The following PIK3C3 variants were observed in gnomAD, a reference collection of about 807,000 sequenced individuals.
PIK3C3 encodes the protein PI3-kinase type 3.
Under a neutral mutation model 126.1 loss-of-function variants are expected in PIK3C3, and 95 were observed. The ratio of observed to expected loss-of-function variants is 0.75; its 90% CI spans 0.64 to 0.89. PIK3C3 has a LOEUF of 0.89. Ranked by LOEUF, PIK3C3 falls within the 40% of genes least tolerant of loss-of-function variation. PIK3C3 has a pLI of 0.00. For missense variants in PIK3C3, 829 were observed against 1,063.2 expected (o/e 0.78, Z 3.06); for synonymous variants, 374 against 360.0 (o/e 1.04, Z -0.44).
chr18:41,970,496 G>A (rs779975210), intron 4 of PIK3C3, 40 bp downstream of exon 4: 3 of 1,585,024 alleles, frequency 1.9e-6, no homozygotes, highest in South Asian at 2.2e-5. Flanking sequence ...AGCTCTGACT[G>A]ATGTCTATTG....
chr18:42,036,815 A>C (rs780203049), intron 16 of PIK3C3, among the ~76,000 whole-genome samples: 2 of 152,136 alleles, frequency 1.3e-5, no homozygotes, highest in African/African-American at 2.4e-5. Context: ...GTACAGATTG[A>C]GCATCTCTAA....
In PIK3C3 at chr18:42,037,673, C is replaced by G. The variant is rs1433164607; in HGVS notation, c.1840-19C>G. 1.9e-6 allele frequency: 3 copies of G among 1,592,878 alleles called. No individual in the cohort carries two copies. The highest frequency in any genetic ancestry group is 2.6e-6 in the Non-Finnish European group (3 of 1,166,576). On this transcript the variant is annotated intron_variant, in intron 16 of 24. Coordinates refer to ENST00000262039, the MANE Select transcript of PIK3C3 (RefSeq NM_002647.4). The stretch of plus-strand genomic sequence containing the variant: ...ATTAATTCATGGCCAAATTTGAAAT[C>G]AATATTTTTATTTTCCAGAGTGCCC...
rs140200019 is a variant in PIK3C3, at chr18:41,981,787, C to T, written c.532-6025C>T. Among the ~76,000 whole-genome samples, 637 of 150,386 alleles carry T rather than the reference C, an allele frequency of 4.2e-3. 11 individuals are homozygous for T. Among genetic ancestry groups the T allele is most frequent in the African/African-American group, 0.014 (594 of 41,074 alleles). ...CCAGCCTGGTCAACATGGTGAAACC[C>T]CTTCTGTACTAAAAATACAAAAAAA... is the stretch of plus-strand genomic sequence containing the variant. On this transcript the variant is annotated intron_variant, in intron 4 of 24. Coordinates refer to ENST00000262039, the MANE Select transcript of PIK3C3 (RefSeq NM_002647.4).
intron 4 of PIK3C3, chr18:41,984,835 C>G (rs992340858): frequency 2.0e-5 from 3 of 152,176 alleles, no homozygotes; most frequent in Admixed American, 2.0e-4. Context: ...TCACACTCTT[C>G]CACATTATAT....
chr18:42,079,931 T>C (rs1986177582), intron 24 of PIK3C3, among the ~76,000 whole-genome samples: 2 of 151,036 alleles, frequency 1.3e-5, no homozygotes, highest in South Asian at 4.2e-4. Context: ...TTCCCTCTTA[T>C]TTCCCCAACT....
intron 15 of PIK3C3, among the ~76,000 whole-genome samples, chr18:42,030,887 G>A (rs1381326601): frequency 6.6e-6 from 1 of 152,072 alleles, no homozygotes; most frequent in African/African-American, 2.4e-5. Context: ...AGGAACCTTG[G>A]CAACACCTCA....
chr18:41,989,425 G>A (rs1414250361), intron 5 of PIK3C3, among the ~76,000 whole-genome samples: 1 of 152,030 alleles, frequency 6.6e-6, no homozygotes, highest in African/African-American at 2.4e-5. Context: ...CTAATCACCC[G>A]CTTAGACTTC....
intron 24 of PIK3C3, among the ~76,000 whole-genome samples, chr18:42,070,006 A>G (rs1395610492): frequency 6.6e-6 from 1 of 152,164 alleles, no homozygotes; most frequent in Non-Finnish European, 1.5e-5. Flanking sequence ...CTTCAGCTGT[A>G]TTCGACTGGT....
intron 12 of PIK3C3, among the ~76,000 whole-genome samples, chr18:42,017,164 G>A (rs543458465): frequency 2.0e-5 from 3 of 151,904 alleles, no homozygotes. Context: ...AGAGTGTATT[G>A]TACAAGCCAT....
At chr18:42,043,891 T>C (rs1169695109) in intron 20 of PIK3C3, 74 bp downstream of exon 20, 8 of 923,906 alleles carry the variant, frequency 8.7e-6, no homozygotes. Context: ...GCCATAATCA[T>C]ATACATTTAG....
rs1985963004 is a variant in PIK3C3 at position 42,076,089 on chromosome 18, C to CATATATATATATGCATAT, written c.2650-5022_2650-5021insGCATATATATATATATAT. On this transcript the variant is annotated intron_variant, in intron 24 of 24. Transcript: ENST00000262039. ...CATCAGCACTGGCTGCTTTACCTTG[C>CATATATATATATGCATAT]ATATATATATATATATATATATATA... is the stretch of plus-strand genomic sequence containing the variant. 9.0e-4 allele frequency among the ~76,000 whole-genome samples: 49 copies of CATATATATATATGCATAT among 54,642 alleles called. 1 individual carries two copies. Among genetic ancestry groups the CATATATATATATGCATAT allele is most frequent in the Admixed American group, 2.1e-3 (10 of 4,664 alleles). 35.8% of individuals were successfully genotyped at this position (54,642 alleles called of 152,430 possible).
At chr18:42,064,881 A>G (rs1985471939) in intron 23 of PIK3C3, 51 bp downstream of exon 23, 1 of 975,828 alleles carries the variant, frequency 1.0e-6, no homozygotes, top group Non-Finnish European at 1.6e-6. Context: ...ATTTTTCCAT[A>G]TTCCAGAATA....
At chr18:42,041,281 G>A (rs999073759) in intron 19 of PIK3C3, among the ~76,000 whole-genome samples, 3 of 152,018 alleles carry the variant, frequency 2.0e-5, no homozygotes, top group African/African-American at 7.2e-5. Flanking sequence ...CCAAAGTATG[G>A]AAATGTTGTA....
intron 24 of PIK3C3, among the ~76,000 whole-genome samples, chr18:42,076,089 C>CACATATATATATATAT: frequency 1.8e-5 from 1 of 54,648 alleles, no homozygotes; most frequent in African/African-American, 7.9e-5. Flanking sequence ...CTTTACCTTG[C>CACATATATATATATAT]ATATATATAT....
intron 16 of PIK3C3, 95 bp downstream of exon 16, chr18:42,034,052 C>T: frequency 2.6e-6 from 2 of 760,604 alleles, no homozygotes; most frequent in Non-Finnish European, 4.0e-6. Context: ...TTGCAGAGAT[C>T]ACATCTATAA....
At chr18:42,054,255 G>C (rs1197670877) in intron 21 of PIK3C3, among the ~76,000 whole-genome samples, 2 of 144,242 alleles carry the variant, frequency 1.4e-5, no homozygotes. Context: ...CTGTCTGCAG[G>C]CTGAGGAGCA....
At chr18:42,075,421 A>T (rs1397331559) in intron 24 of PIK3C3, among the ~76,000 whole-genome samples, 1 of 152,014 alleles carries the variant, frequency 6.6e-6, no homozygotes, top group Non-Finnish European at 1.5e-5. Context: ...TGTCTCCCAG[A>T]TCTAATTTAT....
intron 16 of PIK3C3, among the ~76,000 whole-genome samples, chr18:42,035,074 ACT>A (rs1983989030): frequency 1.3e-5 from 2 of 152,080 alleles, no homozygotes; most frequent in South Asian, 2.1e-4. Context: ...TGGTTTTAAA[ACT>A]CTCTAACAGA....
intron 16 of PIK3C3, 61 bp from the exon 17 acceptor site, chr18:42,037,631 A>G (rs1984113783): frequency 2.8e-6 from 4 of 1,447,104 alleles, no homozygotes; most frequent in Non-Finnish European, 2.9e-6. Context: ...TCTTGTATGT[A>G]TAGTACAATT....
Sources: allele counts gnomAD v4.1 joint callset (sites outside exome capture counted in the v4.1 genomes callset), GRCh38; gene constraint gnomAD v4.1.1; transcripts MANE v1.5; gene names NCBI Gene and HGNC (gene_info 2026-07-23, HGNC 2026-07-21).